The following PLXDC2 variants were observed in gnomAD, a reference collection of about 807,000 sequenced individuals.
PLXDC2 encodes the protein plexin domain containing 2, also known as plexin domain-containing protein 2.
In PLXDC2, 40 loss-of-function variants were observed where a neutral mutation model predicts 68.9. The ratio of observed to expected loss-of-function variants is 0.58; its 90% CI spans 0.45 to 0.76. The LOEUF is 0.76. Ranked by LOEUF, PLXDC2 falls within the 30% of genes least tolerant of loss-of-function variation. The pLI is 0.00. For synonymous variants in PLXDC2, 243 were observed against 234.2 expected, an observed-to-expected ratio of 1.04 and a Z score of -0.34; for missense variants, 644 against 661.9, an observed-to-expected ratio of 0.97 and a Z score of 0.30.
chr10:20,283,516 A>G lies in PLXDC2; in HGVS notation c.*3697A>G, dbSNP rs1836108489. 1 of 152,248 alleles carries G rather than the reference A, an allele frequency of 6.6e-6. No individual in the cohort carries two copies. Among genetic ancestry groups the G allele is most frequent in the Non-Finnish European group, 1.5e-5 (1 of 68,042 alleles). 9.4% of individuals were successfully genotyped at this position (152,248 alleles called of 1,614,324 possible). On this transcript the variant is annotated 3_prime_UTR_variant, in exon 14 of 14. Transcript: ENST00000377252. ...ATCAGTTCATCACGTATCTTGAGAA[A>G]AAGAGAATGCATTCAAAACACAAAG...
At chr10:19,884,213 A>G (rs1837796995) in intron 1 of PLXDC2, among the ~76,000 whole-genome samples, 1 of 151,936 alleles carries the variant, frequency 6.6e-6, no homozygotes, top group Non-Finnish European at 1.5e-5. Context: ...TTTCAAAAGT[A>G]TTGAGGACTT....
chr10:20,017,328 T>C (rs1835230437), intron 2 of PLXDC2, among the ~76,000 whole-genome samples: 1 of 152,142 alleles, frequency 6.6e-6, no homozygotes, highest in Non-Finnish European at 1.5e-5. Flanking sequence ...CCTTCCAGGG[T>C]TGTGCACCCA....
chr10:20,182,124 T>A (rs1834614265), intron 9 of PLXDC2, among the ~76,000 whole-genome samples: 1 of 149,552 alleles, frequency 6.7e-6, no homozygotes, highest in Non-Finnish European at 1.5e-5. Flanking sequence ...TGAAGTATAA[T>A]TTACATATAA....
chr10:20,189,484 T>TATATATATATATAC (rs1834732151), intron 9 of PLXDC2, among the ~76,000 whole-genome samples: 1 of 121,990 alleles, frequency 8.2e-6, no homozygotes, highest in African/African-American at 3.0e-5. Context: ...GCCATATATA[T>TATATATATATATAC]ATATATATAT....
chr10:19,954,922 T>C (rs1834044059), intron 1 of PLXDC2, among the ~76,000 whole-genome samples: 1 of 152,166 alleles, frequency 6.6e-6, no homozygotes, highest in Non-Finnish European at 1.5e-5. Flanking sequence ...TACACTTCTT[T>C]CAGGACCCTT....
intron 5 of PLXDC2, among the ~76,000 whole-genome samples, chr10:20,147,131 C>G (rs902240502): frequency 6.6e-6 from 1 of 152,044 alleles, no homozygotes; most frequent in African/African-American, 2.4e-5. Context: ...TAAACACTGA[C>G]AGAGTGATTC....
rs77119877 is a variant in PLXDC2 at position 20,240,247 on chromosome 10, C to T, written c.1313-5098C>T. Among the ~76,000 whole-genome samples, 739 of 152,222 alleles carry T rather than the reference C, an allele frequency of 4.9e-3. 8 individuals carry two copies. Among genetic ancestry groups the T allele is most frequent in the African/African-American group, 0.017 (700 of 41,536 alleles). ...CCTCCACCTCTTTCCGTGTTGCTTC[C>T]TTCAAAGAATAGGATCTCATTCTTT... is the stretch of plus-strand genomic sequence containing the variant. On this transcript the variant is annotated intron_variant, in intron 12 of 13. Transcript: ENST00000377252.
intron 4 of PLXDC2, among the ~76,000 whole-genome samples, chr10:20,118,414 G>A (rs930228901): frequency 3.3e-5 from 5 of 152,048 alleles, no homozygotes; most frequent in Non-Finnish European, 7.4e-5. Context: ...AACTGCAATC[G>A]GGGACAGATT....
At chr10:20,253,028 TAAATA>T (rs1474975944) in intron 13 of PLXDC2, among the ~76,000 whole-genome samples, 1 of 151,858 alleles carries the variant, frequency 6.6e-6, no homozygotes, top group Admixed American at 6.6e-5. Flanking sequence ...TAAAAAAAAT[TAAATA>T]AAGTAAATAA....
intron 13 of PLXDC2, among the ~76,000 whole-genome samples, chr10:20,277,101 CAGG>C (rs1836016846): frequency 1.3e-5 from 2 of 148,654 alleles, no homozygotes; most frequent in Admixed American, 1.4e-4. Context: ...CCCAGCTACT[CAGG>C]AGGCTGAGGC....
At chr10:20,074,449 G>T (rs1481934503) in intron 4 of PLXDC2, among the ~76,000 whole-genome samples, 1 of 151,846 alleles carries the variant, frequency 6.6e-6, no homozygotes, top group East Asian at 1.9e-4. Flanking sequence ...CTTACTTTTT[G>T]AGGTATGGTA....
At chr10:20,174,941 A>G (rs1315389242) in intron 7 of PLXDC2, among the ~76,000 whole-genome samples, 1 of 152,098 alleles carries the variant, frequency 6.6e-6, no homozygotes, top group Non-Finnish European at 1.5e-5. Flanking sequence ...CTGGGCCACC[A>G]CACTCCCTGC....
intron 1 of PLXDC2, among the ~76,000 whole-genome samples, chr10:19,983,657 G>A (rs961859486): frequency 6.6e-6 from 1 of 152,130 alleles, no homozygotes; most frequent in African/African-American, 2.4e-5. Flanking sequence ...CTCTATCTGG[G>A]TTCTTCTTTT....
chr10:20,279,550 G>C (rs1836053469), intron 13 of PLXDC2, among the ~76,000 whole-genome samples, 153 bp from the exon 14 acceptor site: 1 of 151,994 alleles, frequency 6.6e-6, no homozygotes, highest in Non-Finnish European at 1.5e-5. Context: ...GGTTGATAAG[G>C]GGAATTCTTA....
At chr10:20,015,786 T>C (rs1005452505) in intron 2 of PLXDC2, among the ~76,000 whole-genome samples, 1 of 152,182 alleles carries the variant, frequency 6.6e-6, no homozygotes, top group African/African-American at 2.4e-5. Context: ...TCCAATTCTC[T>C]CATCCTCATT....
rs541213197 is a variant in PLXDC2 at position 20,085,081 on chromosome 10, GC to G, written c.541+16843del. On this transcript the variant is annotated intron_variant, in intron 4 of 13. Transcript: ENST00000377252. ...TGCATTTCTTTTTTCCTCCAGAGTT[GC>G]TGGGTTGTTTTGTCCAATGGTACCT... 1.4e-4 allele frequency among the ~76,000 whole-genome samples: 21 copies of G among 151,792 alleles called. No homozygotes were observed. In the South Asian group the frequency reaches 4.2e-3, roughly 30 times the overall value.
rs538973188 is a variant in PLXDC2 at position 20,132,066 on chromosome 10, A to G, written c.542-11229A>G. ...TATTTGCATTTTTGTTTGTCTCAAG[A>G]TATCTTTTAAGATCACTATTGATTT... On this transcript the variant is annotated intron_variant, in intron 4 of 13. Coordinates refer to ENST00000377252, the MANE Select transcript of PLXDC2 (RefSeq NM_032812.9). Among the ~76,000 whole-genome samples the G allele has an allele frequency of 2.0e-5, 3 of 152,290 alleles. No homozygotes were observed. In the East Asian group the frequency reaches 5.8e-4, roughly 29 times the overall value.
At chr10:19,999,395 T>C (rs970823654) in intron 1 of PLXDC2, among the ~76,000 whole-genome samples, 2 of 152,204 alleles carry the variant, frequency 1.3e-5, no homozygotes, top group Admixed American at 1.3e-4. Flanking sequence ...TGTTTGTTTT[T>C]TTTTTTTCTG....
intron 4 of PLXDC2, among the ~76,000 whole-genome samples, chr10:20,107,033 T>C (rs1305551131): frequency 6.7e-6 from 1 of 148,640 alleles, no homozygotes; most frequent in South Asian, 2.1e-4. Flanking sequence ...ATACACCATA[T>C]ACTATATATA....
Sources: gnomAD v4.1 joint callset for allele counts (sites outside exome capture counted in the v4.1 genomes callset) on GRCh38, gnomAD v4.1.1 for gene constraint, MANE v1.5 for transcripts, NCBI Gene and HGNC (gene_info 2026-07-23, HGNC 2026-07-21) for gene names.